Variants in CNTN5 observed in about 807,000 individuals in gnomAD.
CNTN5 encodes the protein contactin 5.
In CNTN5, 77 loss-of-function variants were observed where a neutral mutation model predicts 129.1. That is an observed-to-expected ratio of 0.60 (90% CI 0.50 to 0.72). CNTN5 has a LOEUF of 0.72. Among genes scored for constraint, CNTN5 ranks in the 30% least tolerant of loss-of-function variants. CNTN5 has a pLI of 0.00. For synonymous variants in CNTN5, 509 were observed against 465.6 expected, an observed-to-expected ratio of 1.09 and a Z score of -1.20; for missense variants, 1,478 against 1,328.8, an observed-to-expected ratio of 1.11 and a Z score of -1.75.
chr11:99,311,522 G>A (rs1237612785), intron 1 of CNTN5, among the ~76,000 whole-genome samples: 1 of 152,046 alleles, frequency 6.6e-6, no homozygotes, highest in African/African-American at 2.4e-5. Context: ...CACTAGGGAA[G>A]GGGTTCTGAA....
At chr11:99,692,307 T>C (rs1178702622) in intron 3 of CNTN5, among the ~76,000 whole-genome samples, 1 of 152,178 alleles carries the variant, frequency 6.6e-6, no homozygotes, top group Non-Finnish European at 1.5e-5. Flanking sequence ...GTTTACAGAC[T>C]TGTTTATGTA....
At chr11:99,982,699 G>A (rs771583302) in intron 8 of CNTN5, among the ~76,000 whole-genome samples, 12 of 152,060 alleles carry the variant, frequency 7.9e-5, no homozygotes, top group Non-Finnish European at 1.6e-4. Flanking sequence ...GGAGTGCAGT[G>A]GGGCGATCTT....
chr11:99,872,770 CA>C (rs1182998250), intron 6 of CNTN5, among the ~76,000 whole-genome samples: 1 of 152,066 alleles, frequency 6.6e-6, no homozygotes, highest in African/African-American at 2.4e-5. Flanking sequence ...ACCAGTTTCT[CA>C]AAACATTTCA....
intron 3 of CNTN5, among the ~76,000 whole-genome samples, chr11:99,612,108 TCTTTATA>T (rs1950608427): frequency 6.6e-6 from 1 of 152,150 alleles, no homozygotes; most frequent in Non-Finnish European, 1.5e-5. Flanking sequence ...AATTTCTGAG[TCTTTATA>T]CTAACTCTGT....
intron 3 of CNTN5, among the ~76,000 whole-genome samples, chr11:99,593,437 C>T (rs576502134): frequency 2.6e-5 from 4 of 152,116 alleles, no homozygotes; most frequent in African/African-American, 9.7e-5. Flanking sequence ...TGGGGACCCC[C>T]GTCAGTGCAG....
chr11:100,258,056 T>G (rs1341846521), intron 17 of CNTN5, among the ~76,000 whole-genome samples: 1 of 152,094 alleles, frequency 6.6e-6, no homozygotes, highest in Non-Finnish European at 1.5e-5. Flanking sequence ...GTTAGATGAA[T>G]TACTAACTAA....
intron 3 of CNTN5, among the ~76,000 whole-genome samples, chr11:99,709,969 C>T (rs1451174324): frequency 6.6e-6 from 1 of 151,860 alleles, no homozygotes; most frequent in Non-Finnish European, 1.5e-5. Flanking sequence ...GTGATTTCTG[C>T]ATAAGCTGTG....
chr11:99,960,630 C>G (rs898191553), intron 8 of CNTN5, among the ~76,000 whole-genome samples: 1 of 151,866 alleles, frequency 6.6e-6, no homozygotes, highest in African/African-American at 2.4e-5. Context: ...AATAAGAATG[C>G]AGTATAGTTT....
chr11:99,404,476 G>A (rs1165796453), intron 2 of CNTN5, among the ~76,000 whole-genome samples: 1 of 145,050 alleles, frequency 6.9e-6, no homozygotes, highest in Non-Finnish European at 1.5e-5. Flanking sequence ...TTTCTTTGGT[G>A]CTATGACTTA....
At chr11:99,596,813 A>G (rs569300290) in intron 3 of CNTN5, among the ~76,000 whole-genome samples, 108 of 152,304 alleles carry the variant, frequency 7.1e-4, no homozygotes, top group African/African-American at 2.4e-3. Context: ...CATCAGGCCA[A>G]AGGATTCAAA....
At chr11:99,626,223 C>A (rs1375089179) in intron 3 of CNTN5, among the ~76,000 whole-genome samples, 1 of 152,026 alleles carries the variant, frequency 6.6e-6, no homozygotes, top group African/African-American at 2.4e-5. Context: ...CTGATGGAAA[C>A]ATAGATTTTC....
intron 6 of CNTN5, among the ~76,000 whole-genome samples, chr11:99,860,939 A>AATCTGTCT (rs1948183276): frequency 6.8e-6 from 1 of 147,444 alleles, no homozygotes. Flanking sequence ...ATTAACATGG[A>AATCTGTCT]ATATGTCTTC....
At chr11:99,791,163 A>C (rs111778097) in intron 3 of CNTN5, among the ~76,000 whole-genome samples, 5 of 151,782 alleles carry the variant, frequency 3.3e-5, no homozygotes, top group East Asian at 1.9e-4. Context: ...CTCATTTATA[A>C]ATTTTTGCTT....
chr11:100,252,880 C>T (rs67515794), intron 16 of CNTN5, among the ~76,000 whole-genome samples: 30,308 of 152,068 alleles, frequency 0.2, 3,307 homozygotes, highest in Non-Finnish European at 0.23. Flanking sequence ...TCCAGGAAAC[C>T]TGTGGTAAAG....
At chr11:99,710,923 A>G (rs1370308470) in intron 3 of CNTN5, among the ~76,000 whole-genome samples, 1 of 151,958 alleles carries the variant, frequency 6.6e-6, no homozygotes, top group Non-Finnish European at 1.5e-5. Flanking sequence ...TGGAGTTGCT[A>G]CGCAAAATGC....
At chr11:99,064,226 A>G (rs540292383) in intron 1 of CNTN5, among the ~76,000 whole-genome samples, 1 of 152,184 alleles carries the variant, frequency 6.6e-6, no homozygotes. Context: ...TTCTGTCAAT[A>G]TGTTCTTACT....
chr11:100,206,901 T>G (rs1948925359), intron 15 of CNTN5, among the ~76,000 whole-genome samples: 1 of 152,032 alleles, frequency 6.6e-6, no homozygotes, highest in African/African-American at 2.4e-5. Context: ...AATTATTATA[T>G]AAACAAATAG....
chr11:100,077,526 G>T (rs1426985190), intron 13 of CNTN5, among the ~76,000 whole-genome samples: 3 of 151,932 alleles, frequency 2.0e-5, no homozygotes, highest in African/African-American at 7.2e-5. Context: ...AGTATATTAT[G>T]AAAGAGACAT....
chr11:99,972,778 G>C (rs978249421), intron 8 of CNTN5, among the ~76,000 whole-genome samples: 1 of 152,058 alleles, frequency 6.6e-6, no homozygotes, highest in Admixed American at 6.6e-5. Flanking sequence ...CTCAGAGAGA[G>C]GATTGGAAGA....
Sources: gnomAD v4.1 joint callset for allele counts (sites outside exome capture counted in the v4.1 genomes callset) on GRCh38, gnomAD v4.1.1 for gene constraint, MANE v1.5 for transcripts, NCBI Gene and HGNC (gene_info 2026-07-23, HGNC 2026-07-21) for gene names.